Variants in VAMP3 observed in about 807,000 individuals in gnomAD.
VAMP3 encodes vesicle-associated membrane protein 3.
VAMP3 carries 11 observed loss-of-function variants against 18.1 expected under a neutral mutation model. That is an observed-to-expected ratio of 0.61 (90% confidence interval 0.38 to 1.00). The LOEUF is 1.00. Among genes scored for constraint, VAMP3 ranks in the 50% least tolerant of loss-of-function variants. The pLI is 0.01. For synonymous variants in VAMP3, 49 were observed against 43.1 expected (o/e 1.14, Z -0.53); for missense variants, 122 against 127.3 (o/e 0.96, Z 0.20).
intron 3 of VAMP3, among the ~76,000 whole-genome samples, chr1:7,777,697 CCA>C (rs1189370197): frequency 6.6e-6 from 1 of 152,212 alleles, no homozygotes; most frequent in Non-Finnish European, 1.5e-5. Flanking sequence ...TGCTAGAAAG[CCA>C]CAGTGTGCCC....
intron 2 of VAMP3, 74 bp from the exon 3 acceptor site, chr1:7,777,086 C>G: frequency 6.6e-7 from 1 of 1,510,890 alleles, no homozygotes; most frequent in South Asian, 1.4e-5. Flanking sequence ...GCTAGGATTA[C>G]AGGCGTGAGC....
intron 2 of VAMP3, among the ~76,000 whole-genome samples, chr1:7,774,698 A>C (rs1177434087): frequency 6.6e-6 from 1 of 152,124 alleles, no homozygotes; most frequent in African/African-American, 2.4e-5. Flanking sequence ...CTTAGCACAA[A>C]GTTTTTTGCA....
intron 2 of VAMP3, among the ~76,000 whole-genome samples, chr1:7,774,424 C>T (rs533063726): frequency 1.4e-4 from 21 of 152,022 alleles, no homozygotes; most frequent in Non-Finnish European, 2.6e-4. Context: ...CCATAACATA[C>T]AACTAAACAT....
chr1:7,775,449 G>A (rs1174959817), intron 2 of VAMP3, among the ~76,000 whole-genome samples: 2 of 152,104 alleles, frequency 1.3e-5, no homozygotes, highest in Non-Finnish European at 2.9e-5. Context: ...CCAGGTTCAA[G>A]TGATTCTCCT....
At chr1:7,771,660 C>G (rs2097050994) in intron 1 of VAMP3, among the ~76,000 whole-genome samples, 1 of 152,228 alleles carries the variant, frequency 6.6e-6, no homozygotes, top group South Asian at 2.1e-4. Context: ...CAGCCCGCTC[C>G]TCGCCCCTTC....
intron 1 of VAMP3, among the ~76,000 whole-genome samples, chr1:7,772,134 C>T (rs1041975954): frequency 1.3e-5 from 2 of 152,198 alleles, no homozygotes; most frequent in African/African-American, 4.8e-5. Context: ...AGCTGTCCTG[C>T]AGCCAGCTGT....
Position 7,771,298 on chromosome 1 carries a change from C to G in VAMP3, c.-86C>G, listed in dbSNP as rs1190978227. 3 of 1,548,676 alleles carry G rather than the reference C, an allele frequency of 1.9e-6. No individual in the cohort carries two copies. The highest frequency in any genetic ancestry group is 2.6e-6 in the Non-Finnish European group (3 of 1,146,482). Reference sequence around the variant, plus strand: ...ACGTCTTTGCCCCGCGCCGCGCCGTCCCACCCATCTCCCTGGCCTCCGGTC... The same window carrying G: ...ACGTCTTTGCCCCGCGCCGCGCCGTGCCACCCATCTCCCTGGCCTCCGGTC... On this transcript the variant is annotated 5_prime_UTR_variant, in exon 1 of 5. Transcript: ENST00000054666.
rs759409433 is a variant in VAMP3, at chr1:7,779,818, G to C, written c.*173G>C. 3.4e-4 allele frequency: 267 copies of C among 784,556 alleles called. No homozygotes were observed. Among genetic ancestry groups the C allele is most frequent in the Non-Finnish European group, 5.0e-4 (247 of 495,922 alleles). 48.6% of individuals were successfully genotyped at this position (784,556 alleles called of 1,614,324 possible). On this transcript the variant is annotated 3_prime_UTR_variant, in exon 5 of 5. Coordinates refer to ENST00000054666, the MANE Select transcript of VAMP3 (RefSeq NM_004781.4). ...GTTTTTTAATATGCACTCCAAATTA[G>C]AAGGCCGGCCCCGTCCACATTTTGC...
At chr1:7,777,114 T>TTCC in intron 2 of VAMP3, 46 bp from the exon 3 acceptor site, 1 of 1,567,408 alleles carries the variant, frequency 6.4e-7, no homozygotes, top group Middle Eastern at 1.7e-4. Flanking sequence ...CCTGGCCCTG[T>TTCC]TCCTCCATTC....
chr1:7,774,404 G>A (rs867137758), intron 2 of VAMP3, among the ~76,000 whole-genome samples: 38 of 151,626 alleles, frequency 2.5e-4, no homozygotes, highest in Admixed American at 1.8e-3. Context: ...TTTTTATTGA[G>A]GCAAAATTAC....
Position 7,780,118 on chromosome 1 carries a change from A to G in VAMP3, c.*473A>G, listed in dbSNP as rs2097056325. On this transcript the variant is annotated 3_prime_UTR_variant, in exon 5 of 5. Transcript: ENST00000054666. Reference sequence around the variant, plus strand: ...TGATAATTTTCTGATTCCCTAGAAGAGAACCCTCTACTTTTTGTAAGCACT... The same window carrying G: ...TGATAATTTTCTGATTCCCTAGAAGGGAACCCTCTACTTTTTGTAAGCACT... 6.4e-6 allele frequency: 1 copy of G among 157,132 alleles called. No homozygotes were observed. Among genetic ancestry groups the G allele is most frequent in the South Asian group, 1.9e-4 (1 of 5,300 alleles). The allele number at this position is 157,132 out of a possible 1,614,324, so 9.7% of individuals were successfully genotyped here.
At chr1:7,776,602 C>A (rs1246173478) in intron 2 of VAMP3, 5 of 152,306 alleles carry the variant, frequency 3.3e-5, no homozygotes, top group African/African-American at 9.6e-5. Context: ...GGGGGGAAGT[C>A]TTTCACCATG....
Position 7,780,797 on chromosome 1 carries a change from GGGGT to G in VAMP3, c.*1154_*1157del. The stretch of plus-strand genomic sequence containing the variant: ...TATGCCTGCAATTAGGCATTGGTCA[GGGGT>G]GAATGGCTCTTTTCACAGAGAGTAG... On this transcript the variant is annotated 3_prime_UTR_variant, in exon 5 of 5. Transcript: ENST00000054666. 6.6e-6 allele frequency: 1 copy of G among 152,388 alleles called. No individual in the cohort carries two copies. Among genetic ancestry groups the G allele is most frequent in the Non-Finnish European group, 1.5e-5 (1 of 68,050 alleles). 9.4% of individuals were successfully genotyped at this position (152,388 alleles called of 1,614,324 possible).
At chr1:7,779,577 G>T in intron 4 of VAMP3, 49 bp from the exon 5 acceptor site, 1 of 1,613,796 alleles carries the variant, frequency 6.2e-7, no homozygotes, top group African/African-American at 1.3e-5. Flanking sequence ...CACACTGAGA[G>T]ACTAACCTGC....
At chr1:7,777,403 C>G (rs1020607865) in intron 3 of VAMP3, 85 bp downstream of exon 3, 4 of 1,482,548 alleles carry the variant, frequency 2.7e-6, no homozygotes, top group South Asian at 2.8e-5. Context: ...TGGACTTTCA[C>G]GACTCTGGGA....
At chr1:7,771,816 A>G (rs1020748091) in intron 1 of VAMP3, among the ~76,000 whole-genome samples, 8 of 152,266 alleles carry the variant, frequency 5.3e-5, no homozygotes, top group Non-Finnish European at 1.2e-4. Flanking sequence ...TGGGCCGAAG[A>G]GCTCCTTGCC....
At chr1:7,775,629 A>G (rs370854322) in intron 2 of VAMP3, among the ~76,000 whole-genome samples, 4 of 152,326 alleles carry the variant, frequency 2.6e-5, no homozygotes, top group East Asian at 3.9e-4. Flanking sequence ...GAATATAGGC[A>G]TGAGCCACCG....
At chr1:7,777,997 A>G in intron 3 of VAMP3, 121 bp from the exon 4 acceptor site, 1 of 1,024,306 alleles carries the variant, frequency 9.8e-7, no homozygotes, top group Non-Finnish European at 1.5e-6. Context: ...ATTATTAATT[A>G]CTCCAGACTG....
At chr1:7,779,603 T>G (rs758641841) in intron 4 of VAMP3, 23 bp from the exon 5 acceptor site, 1 of 1,614,142 alleles carries the variant, frequency 6.2e-7, no homozygotes, top group Non-Finnish European at 8.5e-7. Flanking sequence ...CCCCTGCCTT[T>G]TTGCATCTCT....
Sources: allele counts gnomAD v4.1 joint callset (sites outside exome capture counted in the v4.1 genomes callset), GRCh38; gene constraint gnomAD v4.1.1; transcripts MANE v1.5; gene names NCBI Gene and HGNC (gene_info 2026-07-23, HGNC 2026-07-21).